The following MALL variants were observed in gnomAD, a reference collection of about 807,000 sequenced individuals.
The protein encoded by MALL is MAL-like protein.
A neutral mutation model predicts 10.3 loss-of-function variants in MALL; 2 were observed. The ratio of observed to expected loss-of-function variants is 0.19; its 90% CI spans 0.08 to 0.61. MALL has a LOEUF of 0.61. Ranked by LOEUF, MALL falls within the 20% of genes least tolerant of loss-of-function variation. The probability of loss-of-function intolerance (pLI) is 0.88; values close to 1 mark genes in which losing one functional copy is unlikely to be tolerated. For synonymous variants in MALL, 27 were observed against 51.8 expected, an observed-to-expected ratio of 0.52 and a Z score of 2.05; for missense variants, 39 against 115.2, an observed-to-expected ratio of 0.34 and a Z score of 3.03.
chr2:110,097,071 G>T (rs1678259601), intron 1 of MALL, among the ~76,000 whole-genome samples: 2 of 132,204 alleles, frequency 1.5e-5, no homozygotes, highest in African/African-American at 5.6e-5. Flanking sequence ...GAAACACTCT[G>T]CAATCTTCAA....
At position 110,105,309 on chromosome 2, in the gene MALL, T is replaced by C. The variant is rs536705451; in HGVS notation, c.105+10379A>G. On this transcript the variant is annotated intron_variant, in intron 1 of 3. Transcript: ENST00000272462. ...TGGGGAGGTTCACATCCAACTCCTG[T>C]CCCATGGCCCTTTTCATCTTCTCTC... 2.6e-5 allele frequency among the ~76,000 whole-genome samples: 4 copies of C among 152,314 alleles called. No homozygotes were observed. The East Asian group carries it at 7.7e-4, about 29-fold the overall frequency.
chr2:110,096,655 G>A (rs1226090141), intron 1 of MALL, among the ~76,000 whole-genome samples: 1 of 151,612 alleles, frequency 6.6e-6, no homozygotes, highest in Non-Finnish European at 1.5e-5. Context: ...CATTTAGAGG[G>A]CACAGACTCT....
At position 110,100,475 on chromosome 2, in the gene MALL, A is replaced by G. The variant is rs79095371; in HGVS notation, c.106-8705T>C. Among the ~76,000 whole-genome samples the G allele has an allele frequency of 2.8e-3, 131 of 47,574 alleles. 1 individual carries two copies. The East Asian group carries it at 0.11, about 38-fold the overall frequency. The allele number at this position is 47,574 out of a possible 152,430, so 31.2% of individuals were successfully genotyped here. The stretch of plus-strand genomic sequence containing the variant: ...GTGACAGAGCAAGACTCTGTCCCCC[A>G]CCCTAAAAAAAAAAAACTTAAGCAG... On this transcript the variant is annotated intron_variant, in intron 1 of 3. Coordinates refer to ENST00000272462, the MANE Select transcript of MALL (RefSeq NM_005434.5).
chr2:110,100,668 G>A (rs865994510), intron 1 of MALL, among the ~76,000 whole-genome samples: 11 of 152,116 alleles, frequency 7.2e-5, no homozygotes, highest in East Asian at 3.9e-4. Flanking sequence ...TTGCTCCAGC[G>A]TGCCTTCCTT....
intron 1 of MALL, among the ~76,000 whole-genome samples, chr2:110,098,737 G>T (rs971015412): frequency 1.2e-4 from 19 of 152,112 alleles, no homozygotes; most frequent in Admixed American, 7.9e-4. Context: ...GGGTGCAGTG[G>T]CTCACACCTG....
chr2:110,104,382 C>G (rs1246198716), intron 1 of MALL, among the ~76,000 whole-genome samples: 1 of 152,174 alleles, frequency 6.6e-6, no homozygotes, highest in Non-Finnish European at 1.5e-5. Flanking sequence ...GGCACAGCGC[C>G]TTTACAGATT....
At chr2:110,113,335 G>C (rs1450875348) in intron 1 of MALL, among the ~76,000 whole-genome samples, 1 of 151,016 alleles carries the variant, frequency 6.6e-6, no homozygotes, top group Admixed American at 6.6e-5. Context: ...CTACTCGGGA[G>C]GCTGAGGCAG....
intron 1 of MALL, among the ~76,000 whole-genome samples, chr2:110,107,806 C>T (rs574044265): frequency 6.6e-6 from 1 of 152,318 alleles, no homozygotes; most frequent in South Asian, 2.1e-4. Context: ...GCCACCTCCA[C>T]CAGAACAGGC....
At chr2:110,108,596 T>C (rs1332188404) in intron 1 of MALL, among the ~76,000 whole-genome samples, 1 of 152,126 alleles carries the variant, frequency 6.6e-6, no homozygotes, top group African/African-American at 2.4e-5. Context: ...AAGAGAATTC[T>C]AAAAGCCTGG....
At chr2:110,100,110 C>T (rs1238874187) in intron 1 of MALL, among the ~76,000 whole-genome samples, 2 of 152,088 alleles carry the variant, frequency 1.3e-5, no homozygotes, top group Non-Finnish European at 2.9e-5. Flanking sequence ...TTCCCCCAGT[C>T]CTGGGACTGG....
At chr2:110,112,744 GAGGAA>G (rs1486399271) in intron 1 of MALL, among the ~76,000 whole-genome samples, 5 of 152,040 alleles carry the variant, frequency 3.3e-5, no homozygotes, top group Non-Finnish European at 7.4e-5. Flanking sequence ...TATCAATCCA[GAGGAA>G]AAGAAGTCAT....
upstream of MALL, among the ~76,000 whole-genome samples, chr2:110,117,093 C>T (rs564917111): frequency 6.6e-6 from 1 of 152,250 alleles, no homozygotes; most frequent in East Asian, 1.9e-4. Flanking sequence ...CCCAGTGGAT[C>T]TCAAACCAGA....
chr2:110,107,111 C>T (rs763309940), intron 1 of MALL, among the ~76,000 whole-genome samples: 39 of 151,972 alleles, frequency 2.6e-4, no homozygotes, highest in Admixed American at 1.8e-3. Flanking sequence ...AAGGGTAGCA[C>T]GAGGGAGCTC....
upstream of MALL, among the ~76,000 whole-genome samples, chr2:110,117,570 T>G (rs1678941715): frequency 6.7e-6 from 1 of 150,142 alleles, no homozygotes; most frequent in Non-Finnish European, 1.5e-5. Flanking sequence ...ACTGGGTCTA[T>G]CTTCAGGACC....
At chr2:110,116,875 G>C (rs1678932189), upstream of MALL, among the ~76,000 whole-genome samples, 1 of 152,130 alleles carries the variant, frequency 6.6e-6, no homozygotes, top group African/African-American at 2.4e-5. Flanking sequence ...AGCATGTGGG[G>C]AAGATTGTGT....
At chr2:110,117,177 T>C (rs561068801), upstream of MALL, among the ~76,000 whole-genome samples, 2 of 152,132 alleles carry the variant, frequency 1.3e-5, no homozygotes, top group Admixed American at 1.3e-4. Flanking sequence ...CCAACCCCAG[T>C]CTCACCTACA....
intron 2 of MALL, 73 bp downstream of exon 2, chr2:110,091,529 CT>C: frequency 6.7e-7 from 1 of 1,500,634 alleles, no homozygotes; most frequent in Non-Finnish European, 8.9e-7. Flanking sequence ...GGATCCCTCC[CT>C]GCCCAGAAAG....
rs147645535 is a variant in MALL, at chr2:110,105,763, G to A, written c.105+9925C>T. 9.0e-3 allele frequency among the ~76,000 whole-genome samples: 1,369 copies of A among 152,256 alleles called. 22 individuals carry two copies. Among genetic ancestry groups the A allele is most frequent in the African/African-American group, 0.031 (1,295 of 41,548 alleles). ...GGAAGGGGAAGATGCCTGCCTTAAG[G>A]TCAGGCCTAAGAGGAGCCCTAATTT... On this transcript the variant is annotated intron_variant, in intron 1 of 3. Transcript: ENST00000272462.
chr2:110,095,493 G>T (rs1678421380), intron 1 of MALL, among the ~76,000 whole-genome samples: 1 of 151,872 alleles, frequency 6.6e-6, no homozygotes, highest in East Asian at 1.9e-4. Flanking sequence ...CTTAACAATA[G>T]GTTTTTAAAA....
Sources: allele counts gnomAD v4.1 joint callset (sites outside exome capture counted in the v4.1 genomes callset), GRCh38; gene constraint gnomAD v4.1.1; transcripts MANE v1.5; gene names NCBI Gene and HGNC (gene_info 2026-07-23, HGNC 2026-07-21).